PECR: variants seen among roughly 807,000 people sequenced by gnomAD.
PECR encodes 2,4-dienoyl-CoA reductase-related protein.
In PECR, 30 loss-of-function variants were observed where a neutral mutation model predicts 35.3. The observed-to-expected ratio is 0.85, with a 90% CI of 0.64 to 1.15. PECR has a LOEUF of 1.15. Among genes scored for constraint, PECR ranks in the 50% most tolerant of loss-of-function variants. PECR has a pLI of 0.00. For synonymous variants in PECR, 148 were observed against 138.9 expected, an observed-to-expected ratio of 1.07 and a Z score of -0.46; for missense variants, 392 against 370.8, an observed-to-expected ratio of 1.06 and a Z score of -0.47.
intron 3 of PECR, 136 bp from the exon 4 acceptor site, chr2:216,059,112 TA>T: frequency 1.5e-6 from 1 of 689,204 alleles, no homozygotes; most frequent in South Asian, 1.6e-5. Flanking sequence ...CTGACTGAGG[TA>T]AAATTTATAC....
At chr2:216,043,007 A>ATG (rs1694919134) in intron 7 of PECR, among the ~76,000 whole-genome samples, 1 of 140,620 alleles carries the variant, frequency 7.1e-6, no homozygotes, top group African/African-American at 2.6e-5. Flanking sequence ...GTATATGTGT[A>ATG]TATATATATA....
chr2:216,066,580 C>T, intron 1 of PECR, 62 bp from the exon 2 acceptor site: 1 of 1,510,222 alleles, frequency 6.6e-7, no homozygotes, highest in Non-Finnish European at 9.2e-7. Flanking sequence ...GACCACATTA[C>T]ACCTTGAAAA....
intron 3 of PECR, among the ~76,000 whole-genome samples, chr2:216,061,311 C>CA (rs56791924): frequency 0.019 from 834 of 44,938 alleles, 71 homozygotes; most frequent in Non-Finnish European, 0.02. Flanking sequence ...AACCCTGTCT[C>CA]AAAAAAAAAA....
At chr2:216,075,591 T>G (rs1307606655) in intron 1 of PECR, among the ~76,000 whole-genome samples, 1 of 152,210 alleles carries the variant, frequency 6.6e-6, no homozygotes, top group East Asian at 1.9e-4. Flanking sequence ...AGACTTTATT[T>G]TTGTTTATAT....
Position 216,061,349 on chromosome 2 carries a change from C to T in PECR, c.425-2373G>A, listed in dbSNP as rs528606996. ...AAAAAAAAAAAAAAAAAAAAGGAACCTAAACCCATTGGATAAAAGTACATA... is the reference window on the plus strand; with the variant it reads ...AAAAAAAAAAAAAAAAAAAAGGAACTTAAACCCATTGGATAAAAGTACATA... On this transcript the variant is annotated intron_variant, in intron 3 of 7. Coordinates refer to ENST00000265322, the MANE Select transcript of PECR (RefSeq NM_018441.6). Among the ~76,000 whole-genome samples the T allele has an allele frequency of 5.3e-3, 686 of 130,644 alleles. 7 individuals carry two copies. Among genetic ancestry groups the T allele is most frequent in the African/African-American group, 0.018 (649 of 35,154 alleles). 85.7% of individuals were successfully genotyped at this position (130,644 alleles called of 152,430 possible).
intron 6 of PECR, among the ~76,000 whole-genome samples, chr2:216,047,205 C>A (rs888083301): frequency 6.6e-6 from 1 of 151,716 alleles, no homozygotes; most frequent in Non-Finnish European, 1.5e-5. Flanking sequence ...TTGTGGTGAG[C>A]CGAGATCGTG....
At chr2:216,076,279 G>A (rs763058067) in intron 1 of PECR, among the ~76,000 whole-genome samples, 13 of 152,000 alleles carry the variant, frequency 8.6e-5, no homozygotes, top group African/African-American at 1.2e-4. Context: ...TGCAACCTCC[G>A]CCTTCAGAGT....
intron 1 of PECR, among the ~76,000 whole-genome samples, chr2:216,067,353 T>C (rs1695487856): frequency 6.6e-6 from 1 of 152,084 alleles, no homozygotes; most frequent in Non-Finnish European, 1.5e-5. Context: ...CACACAGCAC[T>C]GGGAATGGTT....
chr2:216,046,176 T>C (rs1372114772), intron 6 of PECR, among the ~76,000 whole-genome samples: 1 of 150,550 alleles, frequency 6.6e-6, no homozygotes, highest in Non-Finnish European at 1.5e-5. Context: ...TATGTTAACA[T>C]GTACTCCTTT....
chr2:216,046,340 T>C (rs748832943), intron 6 of PECR, among the ~76,000 whole-genome samples: 51 of 129,920 alleles, frequency 3.9e-4, no homozygotes, highest in Non-Finnish European at 6.1e-4. Flanking sequence ...TGAGAAGGCG[T>C]CTCACTGTCA....
At position 216,081,786 on chromosome 2, in the gene PECR, GTCTCAGGGACAT is replaced by G. The variant is rs1416543640; in HGVS notation, c.-57_-46del. The G allele has an allele frequency of 6.2e-7, 1 of 1,605,274 alleles. No individual in the cohort carries two copies. The highest frequency in any genetic ancestry group is 2.2e-5 in the East Asian group (1 of 44,762). ...AGCAGCTGAGCGCAGGCCCTTCTGGGTCTCAGGGACATTCGAGGCGGGCGGGCGGACAGGGCG... is the reference window on the plus strand; with the variant it reads ...AGCAGCTGAGCGCAGGCCCTTCTGGGTCGAGGCGGGCGGGCGGACAGGGCG... On this transcript the variant is annotated 5_prime_UTR_variant, in exon 1 of 8. The change abolishes an upstream ATG in the 5' untranslated region. Transcript: ENST00000265322.
At chr2:216,047,005 C>T (rs769636248) in intron 6 of PECR, among the ~76,000 whole-genome samples, 2 of 152,208 alleles carry the variant, frequency 1.3e-5, no homozygotes, top group Non-Finnish European at 2.9e-5. Flanking sequence ...TGGTAGTTCA[C>T]GCCTATAATC....
At chr2:216,080,563 A>G (rs1215905356) in intron 1 of PECR, among the ~76,000 whole-genome samples, 1 of 152,188 alleles carries the variant, frequency 6.6e-6, no homozygotes, top group Non-Finnish European at 1.5e-5. Context: ...GAGCATAAAC[A>G]TTGTGAAGGT....
At chr2:216,033,884 G>A (rs1694750675), downstream of PECR, 1 of 152,156 alleles carries the variant, frequency 6.6e-6, no homozygotes, top group Non-Finnish European at 1.5e-5. Context: ...TGTTGTCCAG[G>A]ATAAGATCCA....
chr2:216,033,934 A>G (rs1172293968), downstream of PECR: 1 of 152,176 alleles, frequency 6.6e-6, no homozygotes, highest in African/African-American at 2.4e-5. Flanking sequence ...ACATGGGCTC[A>G]GTAATCGCTA....
At chr2:216,068,770 T>C (rs923512599) in intron 1 of PECR, among the ~76,000 whole-genome samples, 101 of 149,090 alleles carry the variant, frequency 6.8e-4, no homozygotes, top group African/African-American at 2.4e-3. Flanking sequence ...CCCGAGTAGC[T>C]GGGACCACAG....
At chr2:216,040,068 G>T (rs550903829) in intron 7 of PECR, among the ~76,000 whole-genome samples, 6 of 151,908 alleles carry the variant, frequency 3.9e-5, no homozygotes, top group Non-Finnish European at 8.8e-5. Flanking sequence ...GCAATGAGGA[G>T]AGCCTGCCTT....
chr2:216,030,292 G>A lies in PECR; in HGVS notation c.*440+8899C>T, dbSNP rs949317605. ...CCTTGGTGCTGGTCTGTCTCTCTCA[G>A]TACAGGGCAGGGGTCGGGGCTCTGA... On this transcript the variant is annotated intron_variant and NMD_transcript_variant, in intron 7 of 7. Coordinates refer to the PECR transcript ENST00000442122. 2.0e-5 allele frequency among the ~76,000 whole-genome samples: 3 copies of A among 152,102 alleles called. No individual in the cohort carries two copies. The South Asian group carries it at 6.2e-4, about 32-fold the overall frequency.
chr2:216,054,461 G>A (rs557722115), intron 4 of PECR, among the ~76,000 whole-genome samples: 9 of 136,806 alleles, frequency 6.6e-5, no homozygotes, highest in Non-Finnish European at 1.4e-4. Context: ...TCAGCCCCCC[G>A]AGTAGCTAAG....
Sources: gnomAD v4.1 joint callset for allele counts (sites outside exome capture counted in the v4.1 genomes callset) on GRCh38, gnomAD v4.1.1 for gene constraint, MANE v1.5 for transcripts, NCBI Gene and HGNC (gene_info 2026-07-23, HGNC 2026-07-21) for gene names.